The following SERPINA4 variants were observed in gnomAD, a reference collection of about 807,000 sequenced individuals.
The protein encoded by SERPINA4 is kallistatin.
Under a neutral mutation model 25.4 loss-of-function variants are expected in SERPINA4, and 24 were observed. The observed-to-expected ratio is 0.95, with a 90% CI of 0.69 to 1.33. The LOEUF is 1.33. Ranked by LOEUF, SERPINA4 falls within the 40% of genes most tolerant of loss-of-function variation. SERPINA4 has a pLI of 0.00. For synonymous variants in SERPINA4, 242 were observed against 223.6 expected, an observed-to-expected ratio of 1.08 and a Z score of -0.73; for missense variants, 553 against 535.8, an observed-to-expected ratio of 1.03 and a Z score of -0.32.
chr14:94,567,846 C>T (rs1327461217), intron 3 of SERPINA4, among the ~76,000 whole-genome samples: 1 of 152,206 alleles, frequency 6.6e-6, no homozygotes, highest in East Asian at 1.9e-4. Context: ...TGCCACCTGG[C>T]GAGGCTTACA....
rs1250962866 is a variant in SERPINA4 at position 94,569,768 on chromosome 14, C to T, written c.*173C>T. On this transcript the variant is annotated 3_prime_UTR_variant, in exon 5 of 5. Coordinates refer to ENST00000557004, the MANE Select transcript of SERPINA4 (RefSeq NM_006215.4). ...GGAGGGGCACTGAGATGGGCAGGGC[C>T]TGGACATTCCACACCCTGGTGCTGT... The T allele has an allele frequency of 1.5e-6, 1 of 654,444 alleles. No individual in the cohort carries two copies. The highest frequency in any genetic ancestry group is 1.8e-5 in the African/African-American group (1 of 54,994). The allele number at this position is 654,444 out of a possible 1,614,324, so 40.5% of individuals were successfully genotyped here.
chr14:94,564,125 T>C lies in SERPINA4; in HGVS notation c.643T>C (p.Phe215Leu), dbSNP rs899161392. ...VLMVLVNYIY[F>L]KALWEKPFIS... is the part of the protein sequence containing the mutation. The stretch of plus-strand genomic sequence containing the variant: ...GATGGTGCTGGTGAATTACATTTAC[T>C]TCAAAGGTGAGAGTCAGATCATTGG... Residue 215 changes from phenylalanine to leucine, a missense_variant, in exon 2 of 5, where the codon TTC becomes CTC. Coordinates refer to ENST00000557004, the MANE Select transcript of SERPINA4 (RefSeq NM_006215.4). 3 of 1,600,000 alleles carry C rather than the reference T, an allele frequency of 1.9e-6. No homozygotes were observed. The Admixed American group carries it at 5.0e-5, about 27-fold the overall frequency.
At chr14:94,565,021 A>T (rs372144960) in intron 2 of SERPINA4, among the ~76,000 whole-genome samples, 18 of 152,224 alleles carry the variant, frequency 1.2e-4, no homozygotes, top group African/African-American at 4.1e-4. Flanking sequence ...CCAGGGTTTC[A>T]TCAGAGAAGG....
At chr14:94,566,899 G>A in intron 2 of SERPINA4, 71 bp from the exon 3 acceptor site, 2 of 1,518,446 alleles carry the variant, frequency 1.3e-6, no homozygotes, top group East Asian at 2.3e-5. Flanking sequence ...ACACCAGATG[G>A]CATTCCCTGG....
At chr14:94,567,275 A>C (rs754082534) in intron 3 of SERPINA4, 32 bp downstream of exon 3, 3 of 1,570,166 alleles carry the variant, frequency 1.9e-6, no homozygotes, top group Non-Finnish European at 2.6e-6. Flanking sequence ...CTGAATCTAC[A>C]GTACTATCCA....
At position 94,563,448 on chromosome 14, in the gene SERPINA4, T is replaced by C; in HGVS notation, c.-17-18T>C. On this transcript the variant is annotated intron_variant, in intron 1 of 4. Coordinates refer to ENST00000557004, the MANE Select transcript of SERPINA4 (RefSeq NM_006215.4). Reference sequence around the variant, plus strand: ...TTCTTCTGGGGGAATTTCCTGGGCATTCTCTTCCCTCCCATAGGCCTGAGA... The same window carrying C: ...TTCTTCTGGGGGAATTTCCTGGGCACTCTCTTCCCTCCCATAGGCCTGAGA... 1 of 1,578,084 alleles carries C rather than the reference T, an allele frequency of 6.3e-7. No homozygotes were observed. Among genetic ancestry groups the C allele is most frequent in the East Asian group, 2.3e-5 (1 of 44,320 alleles).
Position 94,569,491 on chromosome 14 carries a change from C to A in SERPINA4, c.1180C>A (p.Arg394Ser), listed in dbSNP as rs776919966. Reference sequence around the variant, plus strand: ...CAAATTCTTCTCTGCCCAGACCAATCGCCACATCCTGCGATTCAACCGGCC... The same window carrying A: ...CAAATTCTTCTCTGCCCAGACCAATAGCCACATCCTGCGATTCAACCGGCC... Reference protein sequence around the residue: ...AIKFFSAQTNRHILRFNRPFL... With the variant: ...AIKFFSAQTNSHILRFNRPFL... Residue 394 changes from arginine (R) to serine (S), a missense_variant, in exon 5 of 5, where the codon CGC (arginine) becomes AGC (serine). Coordinates refer to ENST00000557004, the MANE Select transcript of SERPINA4 (RefSeq NM_006215.4). The A allele has an allele frequency of 1.5e-5, 25 of 1,614,212 alleles. No homozygotes were observed. The highest frequency in any genetic ancestry group is 2.1e-5 in the Non-Finnish European group (25 of 1,180,042).
intron 1 of SERPINA4, chr14:94,561,798 C>T (rs1170835615): frequency 1.6e-6 from 2 of 1,289,686 alleles, no homozygotes; most frequent in East Asian, 5.5e-5. Flanking sequence ...GGTCTTCTGG[C>T]TGCCAATCCA....
intron 2 of SERPINA4, among the ~76,000 whole-genome samples, chr14:94,566,488 TCTCACCTCCAAATCTA>T (rs1164640574): frequency 2.1e-4 from 32 of 152,068 alleles, no homozygotes; most frequent in African/African-American, 6.8e-4. Context: ...TCTCTCATCT[TCTCACCTCCAAATCTA>T]CTCACCTCCA....
At chr14:94,567,336 A>T in intron 3 of SERPINA4, 93 bp downstream of exon 3, 1 of 1,342,430 alleles carries the variant, frequency 7.4e-7, no homozygotes. Flanking sequence ...GAGAGTGAAC[A>T]CCAAATTATG....
chr14:94,567,690 A>C (rs1902263551), intron 3 of SERPINA4, among the ~76,000 whole-genome samples: 1 of 152,238 alleles, frequency 6.6e-6, no homozygotes, highest in Admixed American at 6.5e-5. Flanking sequence ...GTCTTCAACC[A>C]TATATAAGAA....
chr14:94,568,530 G>A (rs1190267891), intron 4 of SERPINA4, among the ~76,000 whole-genome samples: 5 of 152,184 alleles, frequency 3.3e-5, no homozygotes, highest in East Asian at 1.9e-4. Context: ...GGGACACAGC[G>A]TCTTCATAGA....
intron 2 of SERPINA4, among the ~76,000 whole-genome samples, chr14:94,565,868 T>G (rs1300426371): frequency 6.6e-6 from 1 of 152,040 alleles, no homozygotes; most frequent in Non-Finnish European, 1.5e-5. Flanking sequence ...AAGTTTTGCT[T>G]TGAAATAACA....
At chr14:94,565,501 A>G (rs1902174852) in intron 2 of SERPINA4, among the ~76,000 whole-genome samples, 2 of 152,186 alleles carry the variant, frequency 1.3e-5, no homozygotes, top group Non-Finnish European at 2.9e-5. Flanking sequence ...TAGTCATCCC[A>G]TGTAATTTGC....
At chr14:94,566,349 A>C (rs759310435) in intron 2 of SERPINA4, among the ~76,000 whole-genome samples, 8 of 152,132 alleles carry the variant, frequency 5.3e-5, no homozygotes, top group Non-Finnish European at 7.3e-5. Context: ...TCCTACCTAC[A>C]TATCTCCACT....
At chr14:94,562,758 G>A (rs146413375) in intron 1 of SERPINA4, among the ~76,000 whole-genome samples, 1 of 152,160 alleles carries the variant, frequency 6.6e-6, no homozygotes, top group Admixed American at 6.5e-5. Context: ...GAGCAGATTT[G>A]GGGGAGAAAC....
chr14:94,563,528 G>A lies in SERPINA4; in HGVS notation c.46G>A (p.Ala16Thr), dbSNP rs1470171950. 6 of 1,613,876 alleles carry A rather than the reference G, an allele frequency of 3.7e-6. No individual in the cohort carries two copies. The highest frequency in any genetic ancestry group is 3.3e-4 in the Middle Eastern group (2 of 6,084). ...YLLLLLVGLL[A>T]LSHGQLHVEH... ...GCTCCTCCTGCTGGTTGGACTACTG[G>A]CCCTTTCTCATGGCCAGCTGCACGT... Residue 16 changes from alanine to threonine, a missense_variant, in exon 2 of 5, where the codon GCC (alanine) becomes ACC (threonine). Coordinates refer to ENST00000557004, the MANE Select transcript of SERPINA4 (RefSeq NM_006215.4).
At chr14:94,563,386 G>A in intron 1 of SERPINA4, 80 bp from the exon 2 acceptor site, 1 of 1,435,566 alleles carries the variant, frequency 7.0e-7, no homozygotes. Flanking sequence ...ATCTCCGGGT[G>A]CTGGCCCACT....
Position 94,566,408 on chromosome 14 carries a change from C to T in SERPINA4, c.650-562C>T, listed in dbSNP as rs371645449. Among the ~76,000 whole-genome samples, 14 of 152,308 alleles carry T rather than the reference C, an allele frequency of 9.2e-5. No homozygotes were observed. In the South Asian group the frequency reaches 2.3e-3, roughly 25 times the overall value. On this transcript the variant is annotated intron_variant, in intron 2 of 4. Coordinates refer to ENST00000557004, the MANE Select transcript of SERPINA4 (RefSeq NM_006215.4). The stretch of plus-strand genomic sequence containing the variant: ...ATTCGTCCTTCTCAAATGTCCTCCC[C>T]ACTCATGACTTTCACTTAACAATCT...
Sources: allele counts gnomAD v4.1 joint callset (sites outside exome capture counted in the v4.1 genomes callset), GRCh38; gene constraint gnomAD v4.1.1; transcripts MANE v1.5; gene names NCBI Gene and HGNC (gene_info 2026-07-23, HGNC 2026-07-21).